Variants in KLHL4 observed in about 807,000 individuals in gnomAD.
KLHL4 encodes kelch like family member 4, also known as kelch-like protein 4.
KLHL4 carries 17 observed loss-of-function variants against 45.8 expected under a neutral mutation model. The observed-to-expected ratio is 0.37, with a 90% CI of 0.25 to 0.56. The LOEUF (loss-of-function observed/expected upper bound fraction) is 0.56, where lower values mean the gene tolerates loss of function less well. Ranked by LOEUF, KLHL4 falls within the 20% of genes least tolerant of loss-of-function variation. The pLI, the probability that KLHL4 is intolerant of heterozygous loss-of-function variation, is 0.79. For missense variants in KLHL4, 544 were observed against 544.9 expected (o/e 1.00, Z 0.02); for synonymous variants, 224 against 189.9 (o/e 1.18, Z -1.47).
At chrX:87,642,127 C>T (rs1171719437) in intron 9 of KLHL4, among the ~76,000 whole-genome samples, 1 of 110,855 alleles carries the variant, frequency 9.0e-6, no homozygotes, top group Non-Finnish European at 1.9e-5. Context: ...TAAGAATCCT[C>T]ACAGACTCCA....
intron 9 of KLHL4, among the ~76,000 whole-genome samples, chrX:87,653,059 C>T (rs1307460595): frequency 1.8e-5 from 2 of 111,659 alleles, no homozygotes; most frequent in Non-Finnish European, 3.8e-5. Flanking sequence ...TATTCACTAC[C>T]ATGAGAACAG....
intron 1 of KLHL4, among the ~76,000 whole-genome samples, chrX:87,562,801 C>T (rs1360543777): frequency 9.0e-6 from 1 of 111,406 alleles, no homozygotes; most frequent in Non-Finnish European, 1.9e-5. Context: ...TTATCACCAT[C>T]CTTGGGTGAA....
intron 1 of KLHL4, among the ~76,000 whole-genome samples, chrX:87,548,754 C>CA (rs1602410635): frequency 1.0e-5 from 1 of 99,799 alleles, no homozygotes; most frequent in Non-Finnish European, 2.0e-5. Flanking sequence ...AACCTCAAAC[C>CA]AAAAAACATA....
At chrX:87,647,202 G>T (rs1363725548) in intron 9 of KLHL4, among the ~76,000 whole-genome samples, 5 of 111,831 alleles carry the variant, frequency 4.5e-5, no homozygotes, top group African/African-American at 1.6e-4. Flanking sequence ...CCTCACTCCT[G>T]CAAGAATGGC....
intron 1 of KLHL4, among the ~76,000 whole-genome samples, chrX:87,522,095 A>G (rs1212833781): frequency 3.6e-5 from 4 of 112,591 alleles, no homozygotes; most frequent in African/African-American, 1.3e-4. Context: ...GTTTTATGAA[A>G]TATGCTAGGG....
At chrX:87,592,793 A>G (rs1386325085) in intron 1 of KLHL4, among the ~76,000 whole-genome samples, 3 of 112,074 alleles carry the variant, frequency 2.7e-5, no homozygotes, top group Non-Finnish European at 5.6e-5. Context: ...TTGTTTGAGC[A>G]TCTTACATAT....
intron 1 of KLHL4, among the ~76,000 whole-genome samples, chrX:87,588,814 G>T (rs1921565884): frequency 9.1e-6 from 1 of 109,333 alleles, no homozygotes; most frequent in Non-Finnish European, 1.9e-5. Flanking sequence ...AGAAGGAGAA[G>T]GAGAGGAAGA....
chrX:87,556,073 A>G (rs1292952124), intron 1 of KLHL4, among the ~76,000 whole-genome samples: 1 of 110,899 alleles, frequency 9.0e-6, no homozygotes, highest in South Asian at 3.8e-4. Flanking sequence ...ATTGCACTGT[A>G]GTCTGAGAGA....
intron 9 of KLHL4, among the ~76,000 whole-genome samples, chrX:87,644,246 A>G (rs1602461184): frequency 1.8e-5 from 2 of 111,908 alleles, no homozygotes; most frequent in East Asian, 5.6e-4. Flanking sequence ...TAGCTCTTCT[A>G]TACACCAACA....
chrX:87,577,556 A>G (rs1402208239), intron 1 of KLHL4, among the ~76,000 whole-genome samples: 1 of 111,837 alleles, frequency 8.9e-6, no homozygotes, highest in Non-Finnish European at 1.9e-5. Flanking sequence ...GACTCAGACA[A>G]TTCTGACGTT....
chrX:87,624,223 A>C (rs1196957850), intron 5 of KLHL4, among the ~76,000 whole-genome samples: 1 of 112,202 alleles, frequency 8.9e-6, no homozygotes, highest in East Asian at 2.8e-4. Context: ...GTGGTAGCCC[A>C]CCTCTGAGTA....
At chrX:87,591,763 A>G (rs1404523629) in intron 1 of KLHL4, among the ~76,000 whole-genome samples, 1 of 111,992 alleles carries the variant, frequency 8.9e-6, no homozygotes. Flanking sequence ...TACAGGGTAT[A>G]TGAGATATTT....
intron 1 of KLHL4, among the ~76,000 whole-genome samples, chrX:87,593,583 G>C (rs149742767): frequency 0.024 from 2,658 of 110,829 alleles, 79 homozygotes; most frequent in African/African-American, 0.082. Flanking sequence ...TTTTCTACTT[G>C]GTAAGGCATC....
chrX:87,557,812 A>G (rs1156583460), intron 1 of KLHL4, among the ~76,000 whole-genome samples: 1 of 111,601 alleles, frequency 9.0e-6, no homozygotes, highest in Non-Finnish European at 1.9e-5. Context: ...ATAAATTTGA[A>G]TTAGGAAGGG....
chrX:87,569,299 T>C (rs1932283554), intron 1 of KLHL4, among the ~76,000 whole-genome samples: 1 of 111,241 alleles, frequency 9.0e-6, no homozygotes, highest in Admixed American at 9.5e-5. Context: ...TGCCTACAAT[T>C]AAACCAAAGA....
chrX:87,564,916 C>A (rs1325854938), intron 1 of KLHL4, among the ~76,000 whole-genome samples: 1 of 111,125 alleles, frequency 9.0e-6, no homozygotes, highest in Non-Finnish European at 1.9e-5. Context: ...TGTATTAGGC[C>A]AATAAAGAAG....
At chrX:87,525,283 T>G (rs758151110) in intron 1 of KLHL4, among the ~76,000 whole-genome samples, 4 of 111,781 alleles carry the variant, frequency 3.6e-5, no homozygotes, top group African/African-American at 1.3e-4. Context: ...TGAAGTGGTA[T>G]ATATTTATTA....
chrX:87,523,768 G>T (rs746818271), intron 1 of KLHL4, among the ~76,000 whole-genome samples: 3 of 110,653 alleles, frequency 2.7e-5, no homozygotes, highest in Non-Finnish European at 5.7e-5. Flanking sequence ...TTCGAGACCA[G>T]CCTAGCCAAC....
intron 9 of KLHL4, among the ~76,000 whole-genome samples, chrX:87,647,597 T>C (rs1362428878): frequency 8.9e-6 from 1 of 111,849 alleles, no homozygotes; most frequent in Non-Finnish European, 1.9e-5. Flanking sequence ...ATGGATGGAA[T>C]TGGAGACCAT....
Sources: allele counts gnomAD v4.1 joint callset (sites outside exome capture counted in the v4.1 genomes callset), GRCh38; gene constraint gnomAD v4.1.1; transcripts MANE v1.5; gene names NCBI Gene and HGNC (gene_info 2026-07-23, HGNC 2026-07-21).